ZNF607: variants seen among roughly 807,000 people sequenced by gnomAD.
The protein encoded by ZNF607 is zinc finger protein 607.
ZNF607 carries 5 observed loss-of-function variants against 12.8 expected under a neutral mutation model. The ratio of observed to expected loss-of-function variants is 0.39; its 90% CI spans 0.20 to 0.82. ZNF607 has a LOEUF of 0.82. Ranked by LOEUF, ZNF607 falls within the 40% of genes least tolerant of loss-of-function variation. ZNF607 has a pLI of 0.39. For missense variants in ZNF607, 851 were observed against 859.2 expected (o/e 0.99, Z 0.12); for synonymous variants, 287 against 276.2 (o/e 1.04, Z -0.39).
Position 37,697,758 on chromosome 19 carries a change from T to C in ZNF607, c.*282A>G, listed in dbSNP as rs912961324. 3.0e-6 allele frequency: 1 copy of C among 331,190 alleles called. No individual in the cohort carries two copies. Among genetic ancestry groups the C allele is most frequent in the Non-Finnish European group, 5.5e-6 (1 of 182,146 alleles). The allele number at this position is 331,190 out of a possible 1,614,324, so 20.5% of individuals were successfully genotyped here. A position where few individuals can be genotyped will look rare whatever the true frequency, so the allele number is the denominator to read the frequency against. ...TCTCAGTTTTCCTCTACTGTGAATATTTTGGCAATCCAAAACTAGAGGAAT... is the reference window on the plus strand; with the variant it reads ...TCTCAGTTTTCCTCTACTGTGAATACTTTGGCAATCCAAAACTAGAGGAAT... On this transcript the variant is annotated 3_prime_UTR_variant, in exon 5 of 5. Coordinates refer to ENST00000355202, the MANE Select transcript of ZNF607 (RefSeq NM_032689.5).
chr19:37,716,210 CAG>C (rs2045175347), intron 1 of ZNF607, among the ~76,000 whole-genome samples: 1 of 151,970 alleles, frequency 6.6e-6, no homozygotes, highest in South Asian at 2.1e-4. Context: ...AATGGAGAAA[CAG>C]TGGATTTTGT....
intron 2 of ZNF607, among the ~76,000 whole-genome samples, chr19:37,710,454 G>A (rs1193753186): frequency 2.3e-5 from 3 of 131,424 alleles, no homozygotes; most frequent in Admixed American, 1.7e-4. Context: ...CAACAAGAGC[G>A]AAACTCCATC....
At chr19:37,716,571 G>A (rs1373744313) in intron 1 of ZNF607, among the ~76,000 whole-genome samples, 2 of 152,166 alleles carry the variant, frequency 1.3e-5, no homozygotes, top group East Asian at 1.9e-4. Flanking sequence ...AAAAGTAGGA[G>A]TCTGTCTATT....
At chr19:37,715,420 A>C (rs1002482920) in intron 1 of ZNF607, among the ~76,000 whole-genome samples, 5 of 151,618 alleles carry the variant, frequency 3.3e-5, no homozygotes, top group African/African-American at 1.2e-4. Context: ...CAGCCTGACC[A>C]ACATGGTAAA....
At chr19:37,710,816 T>G (rs2045127084) in intron 2 of ZNF607, among the ~76,000 whole-genome samples, 1 of 152,224 alleles carries the variant, frequency 6.6e-6, no homozygotes, top group East Asian at 1.9e-4. Context: ...GAAGAGAATT[T>G]AAACTTTTAA....
At position 37,698,566 on chromosome 19, in the gene ZNF607, T is replaced by A; in HGVS notation, c.1565A>T (p.Gln522Leu). Residue 522 changes from glutamine (Q) to leucine (L), a missense_variant, in exon 5 of 5, where the codon CAG becomes CTG. Transcript: ENST00000355202. ...KAFSVSGQLT[Q>L]HLSIHSGKKP... is the part of the protein sequence containing the mutation. Reference sequence around the variant, plus strand: ...CTTACCACTGTGAATACTCAGATGCTGAGTAAGTTGTCCAGATACACTAAA... The same window carrying A: ...CTTACCACTGTGAATACTCAGATGCAGAGTAAGTTGTCCAGATACACTAAA... 1 of 1,611,934 alleles carries A rather than the reference T, an allele frequency of 6.2e-7. No homozygotes were observed. The highest frequency in any genetic ancestry group is 8.5e-7 in the Non-Finnish European group (1 of 1,178,256).
At chr19:37,702,128 A>C (rs1175249259) in intron 4 of ZNF607, among the ~76,000 whole-genome samples, 1 of 151,984 alleles carries the variant, frequency 6.6e-6, no homozygotes, top group African/African-American at 2.4e-5. Context: ...TCTATTAAAA[A>C]TACAAAAAAT....
At chr19:37,711,902 T>C (rs1421759875) in intron 1 of ZNF607, among the ~76,000 whole-genome samples, 15 of 152,320 alleles carry the variant, frequency 9.8e-5, no homozygotes, top group Non-Finnish European at 1.5e-5. Flanking sequence ...AAACATACTG[T>C]CATGGAAACC....
At chr19:37,703,078 G>A (rs548018801) in intron 4 of ZNF607, among the ~76,000 whole-genome samples, 2 of 151,174 alleles carry the variant, frequency 1.3e-5, no homozygotes, top group South Asian at 2.1e-4. Flanking sequence ...TCAGCCTCCC[G>A]AGTAGCTGGA....
intron 4 of ZNF607, chr19:37,706,388 T>A (rs369643943): frequency 6.6e-6 from 1 of 152,308 alleles, no homozygotes; most frequent in South Asian, 2.1e-4. Context: ...ACACCTTCAG[T>A]GCAAAGTTTG....
chr19:37,699,668 T>TA lies in ZNF607; in HGVS notation c.462dup (p.Thr155TyrfsTer4), dbSNP rs756573598. 22 of 1,614,036 alleles carry TA rather than the reference T, an allele frequency of 1.4e-5. No individual in the cohort carries two copies. The highest frequency in any genetic ancestry group is 1.7e-5 in the Non-Finnish European group (20 of 1,180,008). Reference sequence around the variant, plus strand: ...ATTTTCTGATGCTTTCTAAGGTCTGTAAGATGGCTAAATGCCTTCCTAAAC... The same window carrying TA: ...ATTTTCTGATGCTTTCTAAGGTCTGTAAAGATGGCTAAATGCCTTCCTAAAC... On this transcript the variant is annotated frameshift_variant, in exon 5 of 5. Transcript: ENST00000355202. LOFTEE classifies it low-confidence loss of function (END_TRUNC).
Position 37,696,586 on chromosome 19 carries a change from T to C in ZNF607, c.*1454A>G. ...ACGAATCATCGGGGCTGTGGCCCAG[T>C]TGCCTCACGGAGGTGCAGGTAGGCT... On this transcript the variant is annotated 3_prime_UTR_variant, in exon 5 of 5. Coordinates refer to ENST00000355202, the MANE Select transcript of ZNF607 (RefSeq NM_032689.5). 3 of 543,044 alleles carry C rather than the reference T, an allele frequency of 5.5e-6. No homozygotes were observed. The highest frequency in any genetic ancestry group is 1.0e-5 in the Non-Finnish European group (3 of 297,668). 33.6% of individuals were successfully genotyped at this position (543,044 alleles called of 1,614,324 possible).
In ZNF607 at chr19:37,698,412, G is replaced by A. The variant is rs780706755; in HGVS notation, c.1719C>T (p.Ala573=). The part of the protein sequence containing the change: ...CKECGKAFRH[A]TSLIYHDRTH... ...TTCGGTCATGATATATGAGGCTTGT[G>A]GCATGACGAAAGGCCTTGCCACATT... Residue 573 remains alanine, a synonymous_variant, in exon 5 of 5, where the codon GCC becomes GCT. Coordinates refer to ENST00000355202, the MANE Select transcript of ZNF607 (RefSeq NM_032689.5). 2 of 1,614,008 alleles carry A rather than the reference G, an allele frequency of 1.2e-6. No homozygotes were observed. The highest frequency in any genetic ancestry group is 2.7e-5 in the African/African-American group (2 of 74,908).
In ZNF607 at chr19:37,697,555, C is replaced by T. The variant is rs2044987099; in HGVS notation, c.*485G>A. On this transcript the variant is annotated 3_prime_UTR_variant, in exon 5 of 5. Coordinates refer to ENST00000355202, the MANE Select transcript of ZNF607 (RefSeq NM_032689.5). ...AATATCTTCCCCCATATCATCCCAG[C>T]TATAGGAAGCAGATGTTGATCATGA... is the stretch of plus-strand genomic sequence containing the variant. The T allele has an allele frequency of 2.0e-6, 1 of 504,724 alleles. No homozygotes were observed. The highest frequency in any genetic ancestry group is 2.1e-5 in the South Asian group (1 of 47,596). 31.3% of individuals were successfully genotyped at this position (504,724 alleles called of 1,614,324 possible).
At position 37,699,410 on chromosome 19, in the gene ZNF607, T is replaced by C; in HGVS notation, c.721A>G (p.Ser241Gly). The change falls in exon 5 of 5, where the codon AGT (serine) becomes GGT (glycine). Residue 241 changes from serine (S) to glycine (G), a missense_variant. Coordinates refer to ENST00000355202, the MANE Select transcript of ZNF607 (RefSeq NM_032689.5). ...CCAGTGTGAATACTCTGATGTCGAC[T>C]AAGTCGTCCATACACACTAAAGGCC... ...GKAFSVYGRL[S>G]RHQSIHTGEK... 6.2e-7 allele frequency: 1 copy of C among 1,614,180 alleles called. No homozygotes were observed. Among genetic ancestry groups the C allele is most frequent in the Non-Finnish European group, 8.5e-7 (1 of 1,180,010 alleles).
Position 37,698,957 on chromosome 19 carries a change from G to C in ZNF607, c.1174C>G (p.Pro392Ala). 1 of 1,613,874 alleles carries C rather than the reference G, an allele frequency of 6.2e-7. No individual in the cohort carries two copies. Among genetic ancestry groups the C allele is most frequent in the Non-Finnish European group, 8.5e-7 (1 of 1,179,962 alleles). The change falls in exon 5 of 5, where the codon CCC (proline) becomes GCC (alanine). Residue 392 changes from proline to alanine, a missense_variant. Physicochemically the swap from Pro to Ala is conservative, Grantham distance 27. Transcript: ENST00000355202. ...RHQGIHSGKK[P>A]YECNKCGKSF... ...TTCCCACATTTGTTACATTCATAGGGTTTCTTACCACTATGAATACCCTGA... is the reference window on the plus strand; with the variant it reads ...TTCCCACATTTGTTACATTCATAGGCTTTCTTACCACTATGAATACCCTGA...
At chr19:37,713,014 C>T (rs1322072580) in intron 1 of ZNF607, among the ~76,000 whole-genome samples, 4 of 151,882 alleles carry the variant, frequency 2.6e-5, no homozygotes, top group Non-Finnish European at 5.9e-5. Context: ...GGGTTTATTT[C>T]GTTCCTAAAT....
intron 3 of ZNF607, among the ~76,000 whole-genome samples, chr19:37,709,492 G>C (rs1222097476): frequency 6.6e-6 from 1 of 152,168 alleles, no homozygotes; most frequent in Non-Finnish European, 1.5e-5. Context: ...AGGGAGGTGT[G>C]AATGTCACTG....
chr19:37,699,256 T>C lies in ZNF607; in HGVS notation c.875A>G (p.Gln292Arg), dbSNP rs777279136. The change falls in exon 5 of 5, where the codon CAG becomes CGG. Residue 292 changes from glutamine (Q) to arginine (R), a missense_variant. Coordinates refer to ENST00000355202, the MANE Select transcript of ZNF607 (RefSeq NM_032689.5). ...ECKECGKAFR[Q>R]FSHLVGHKRI... The stretch of plus-strand genomic sequence containing the variant: ...TTTATGACCCACAAGGTGGGAAAAC[T>C]GACGAAAGGCCTTTCCACATTCCTT... 2.5e-6 allele frequency: 4 copies of C among 1,614,108 alleles called. No homozygotes were observed. The highest frequency in any genetic ancestry group is 1.1e-5 in the South Asian group (1 of 91,070).
Sources: gnomAD v4.1 joint callset for allele counts (sites outside exome capture counted in the v4.1 genomes callset) on GRCh38, gnomAD v4.1.1 for gene constraint, MANE v1.5 for transcripts, NCBI Gene and HGNC (gene_info 2026-07-23, HGNC 2026-07-21) for gene names.